Variants in MLPH observed in about 807,000 individuals in gnomAD.
MLPH encodes exophilin-3.
A neutral mutation model predicts 72.1 loss-of-function variants in MLPH; 51 were observed. The observed-to-expected ratio is 0.71, with a 90% confidence interval of 0.56 to 0.89. MLPH has a LOEUF of 0.89. MLPH is among the 40% of genes least tolerant of loss of function. MLPH has a pLI of 0.00. For synonymous variants in MLPH, 301 were observed against 310.1 expected, an observed-to-expected ratio of 0.97 and a Z score of 0.31; for missense variants, 743 against 759.9, an observed-to-expected ratio of 0.98 and a Z score of 0.26.
At chr2:237,546,892 A>C (rs138237548) in intron 13 of MLPH, among the ~76,000 whole-genome samples, 45 of 152,316 alleles carry the variant, frequency 3.0e-4, no homozygotes, top group African/African-American at 1.1e-3. Flanking sequence ...ATTTGTGTAG[A>C]TGCATTTGTT....
At chr2:237,493,679 T>C (rs890550449) in intron 2 of MLPH, 143 bp downstream of exon 2, 1 of 676,104 alleles carries the variant, frequency 1.5e-6, no homozygotes, top group Admixed American at 2.1e-5. Flanking sequence ...GACACAGCTC[T>C]TCTTTCTGGC....
intron 2 of MLPH, among the ~76,000 whole-genome samples, chr2:237,498,783 C>T (rs926872930): frequency 6.6e-6 from 1 of 152,228 alleles, no homozygotes; most frequent in Non-Finnish European, 1.5e-5. Context: ...CTGCCTCCCA[C>T]GAGGACACAG....
At chr2:237,539,681 A>G (rs2080624783) in intron 9 of MLPH, among the ~76,000 whole-genome samples, 1 of 152,214 alleles carries the variant, frequency 6.6e-6, no homozygotes, top group Non-Finnish European at 1.5e-5. Flanking sequence ...AGGACTTTAC[A>G]GAGATTATTG....
At chr2:237,552,081 G>A in intron 14 of MLPH, 1 of 467,860 alleles carries the variant, frequency 2.1e-6, no homozygotes, top group South Asian at 2.2e-5. Context: ...TCATTAGTGT[G>A]AGGATTTCCA....
intron 8 of MLPH, among the ~76,000 whole-genome samples, chr2:237,528,958 T>C (rs1247408598): frequency 6.6e-6 from 1 of 152,196 alleles, no homozygotes; most frequent in East Asian, 1.9e-4. Context: ...TTTATGAAAA[T>C]ATATATTTTA....
chr2:237,514,804 C>T (rs2079979532), intron 4 of MLPH, among the ~76,000 whole-genome samples: 2 of 152,286 alleles, frequency 1.3e-5, no homozygotes, highest in South Asian at 2.1e-4. Flanking sequence ...TACCATGCTG[C>T]CTCCCCCATC....
chr2:237,520,379 C>T (rs1363412362), intron 6 of MLPH, among the ~76,000 whole-genome samples: 1 of 151,850 alleles, frequency 6.6e-6, no homozygotes, highest in Non-Finnish European at 1.5e-5. Context: ...AGAAGGGCAT[C>T]TGAGGTGGAG....
chr2:237,524,916 G>A (rs996396628), intron 6 of MLPH, among the ~76,000 whole-genome samples: 2 of 152,216 alleles, frequency 1.3e-5, no homozygotes, highest in South Asian at 4.1e-4. Flanking sequence ...GGAGGGGGAA[G>A]CAGGGTGGGT....
intron 12 of MLPH, 46 bp from the exon 13 acceptor site, chr2:237,546,560 T>G: frequency 1.9e-6 from 3 of 1,540,214 alleles, no homozygotes; most frequent in Non-Finnish European, 2.7e-6. Flanking sequence ...CTCCTCCCTG[T>G]GGCTGGAGGT....
intron 9 of MLPH, 101 bp from the exon 10 acceptor site, chr2:237,540,247 C>G: frequency 7.4e-7 from 1 of 1,343,958 alleles, no homozygotes; most frequent in Non-Finnish European, 1.0e-6. Flanking sequence ...CAGCAGGAAC[C>G]CCAGGTGTGC....
At chr2:237,519,767 A>G in intron 5 of MLPH, 143 bp from the exon 6 acceptor site, 1 of 1,200,440 alleles carries the variant, frequency 8.3e-7, no homozygotes, top group Non-Finnish European at 1.2e-6. Flanking sequence ...GTTTGTTCCT[A>G]GTGGAGGGGG....
chr2:237,515,113 T>C (rs2079986505), intron 4 of MLPH, among the ~76,000 whole-genome samples: 1 of 152,218 alleles, frequency 6.6e-6, no homozygotes, highest in Non-Finnish European at 1.5e-5. Flanking sequence ...AAAAGATCAC[T>C]GCTGGCTCAG....
At chr2:237,488,982 C>T (rs2079375145) in intron 1 of MLPH, among the ~76,000 whole-genome samples, 1 of 152,112 alleles carries the variant, frequency 6.6e-6, no homozygotes, top group African/African-American at 2.4e-5. Context: ...ACCATCACTC[C>T]CCCTCTTAAT....
chr2:237,541,972 G>T lies in MLPH; in HGVS notation c.1447-595G>T, dbSNP rs1048411509. Among the ~76,000 whole-genome samples the T allele has an allele frequency of 6.6e-6, 1 of 152,226 alleles. No individual in the cohort carries two copies. Among genetic ancestry groups the T allele is most frequent in the Admixed American group, 6.5e-5 (1 of 15,292 alleles). On this transcript the variant is annotated intron_variant, in intron 11 of 15. Coordinates refer to ENST00000264605, the MANE Select transcript of MLPH (RefSeq NM_024101.7). The surrounding 1 kb of genome is among the most constrained non-coding windows in gnomAD (Gnocchi z 5.1). Reference sequence around the variant, plus strand: ...GGAGCAGCCCGTGCCAAGGCCCTGGGGTGGCAGTGGGCTTGGTGCCTGCAG... The same window carrying T: ...GGAGCAGCCCGTGCCAAGGCCCTGGTGTGGCAGTGGGCTTGGTGCCTGCAG...
At chr2:237,551,705 T>C (rs2081043832) in intron 14 of MLPH, among the ~76,000 whole-genome samples, 1 of 152,138 alleles carries the variant, frequency 6.6e-6, no homozygotes, top group African/African-American at 2.4e-5. Flanking sequence ...AAGCCAGGCA[T>C]GGTGGCTCAC....
intron 9 of MLPH, among the ~76,000 whole-genome samples, chr2:237,538,238 G>A (rs1008953537): frequency 6.6e-6 from 1 of 152,234 alleles, no homozygotes; most frequent in African/African-American, 2.4e-5. Flanking sequence ...CAGGAGGGCG[G>A]GGCCTGCGTC....
chr2:237,507,879 T>C (rs564099996), intron 2 of MLPH, among the ~76,000 whole-genome samples: 1 of 152,306 alleles, frequency 6.6e-6, no homozygotes, highest in African/African-American at 2.4e-5. Flanking sequence ...CAAGTGAAAA[T>C]GCTATTTCAT....
chr2:237,524,322 A>ATATATATATATATATATATATATATAC, intron 6 of MLPH, among the ~76,000 whole-genome samples: 1 of 110,152 alleles, frequency 9.1e-6, no homozygotes, highest in South Asian at 2.7e-4. Flanking sequence ...TATATATATA[A>ATATATATATATATATATATATATATAC]AGGGGAGTTT....
chr2:237,534,479 G>A (rs2080489972), intron 8 of MLPH, 85 bp from the exon 9 acceptor site: 1 of 1,103,194 alleles, frequency 9.1e-7, no homozygotes, highest in South Asian at 1.2e-5. Context: ...TGGGAATTTG[G>A]TGCTTCAGAG....
Sources: allele counts gnomAD v4.1 joint callset (sites outside exome capture counted in the v4.1 genomes callset), GRCh38; gene constraint gnomAD v4.1.1; non-coding constraint Gnocchi (gnomAD v3.1); transcripts MANE v1.5; gene names NCBI Gene and HGNC (gene_info 2026-07-23, HGNC 2026-07-21).